The following CEP97 variants were observed in gnomAD, a reference collection of about 807,000 sequenced individuals.
CEP97 encodes centrosomal protein 97.
In CEP97, 43 loss-of-function variants were observed where a neutral mutation model predicts 73.1. That is an observed-to-expected ratio of 0.59 (90% CI 0.46 to 0.76). The LOEUF (loss-of-function observed/expected upper bound fraction) is 0.76, where lower values mean the gene tolerates loss of function less well. Ranked by LOEUF, CEP97 falls within the 30% of genes least tolerant of loss-of-function variation. CEP97 has a pLI of 0.00. For synonymous variants in CEP97, 337 were observed against 370.0 expected, an observed-to-expected ratio of 0.91 and a Z score of 1.02; for missense variants, 939 against 1,014.0, an observed-to-expected ratio of 0.93 and a Z score of 1.00.
At chr3:101,737,361 C>T (rs768726268) in intron 6 of CEP97, among the ~76,000 whole-genome samples, 4 of 152,152 alleles carry the variant, frequency 2.6e-5, no homozygotes, top group African/African-American at 2.4e-5. Context: ...AGATACTCCT[C>T]GAGAAGAGCA....
chr3:101,761,988 A>G (rs1939188878), intron 9 of CEP97, among the ~76,000 whole-genome samples: 1 of 152,166 alleles, frequency 6.6e-6, no homozygotes, highest in Non-Finnish European at 1.5e-5. Flanking sequence ...ACCTGGGGAA[A>G]CAGAATAGTG....
Position 101,755,494 on chromosome 3 carries a change from C to G in CEP97, c.793C>G (p.Gln265Glu). Residue 265 changes from glutamine (Q) to glutamate (E), a missense_variant, in exon 7 of 11, where the codon CAG becomes GAG. Physicochemically the swap from Gln to Glu is conservative, Grantham distance 29 (BLOSUM62 2). Coordinates refer to ENST00000341893, the MANE Select transcript of CEP97 (RefSeq NM_024548.4). The stretch of plus-strand genomic sequence containing the variant: ...AGCATATCGGCCTGGCCAGCACATC[C>G]AGCTTGTCCAATATCTGGCTACAGT... Reference protein sequence around the residue: ...GRAYRPGQHIQLVQYLATVCP... With the variant: ...GRAYRPGQHIELVQYLATVCP... 6.2e-7 allele frequency: 1 copy of G among 1,614,120 alleles called. No individual in the cohort carries two copies. Among genetic ancestry groups the G allele is most frequent in the Non-Finnish European group, 8.5e-7 (1 of 1,179,994 alleles).
rs754255385 is a variant in CEP97 at position 101,728,931 on chromosome 3, C to G, written c.441C>G (p.Ser147=). ...SQIGDLSKLV[S]LKTLLLHGNI... ...TAGGTGATCTATCTAAATTGGTATC[C>G]CTGAAAGTAAGTATGTTTTCTTTGT... The change falls in exon 4 of 11, where the codon TCC becomes TCG. Residue 147 remains serine (S), a synonymous_variant. Coordinates refer to ENST00000341893, the MANE Select transcript of CEP97 (RefSeq NM_024548.4). 2 of 1,485,534 alleles carry G rather than the reference C, an allele frequency of 1.3e-6. No homozygotes were observed. Among genetic ancestry groups the G allele is most frequent in the South Asian group, 1.2e-5 (1 of 86,116 alleles). 92.0% of individuals were successfully genotyped at this position (1,485,534 alleles called of 1,614,324 possible). A position where few individuals can be genotyped will look rare whatever the true frequency, so the allele number is the denominator to read the frequency against.
rs115793464 is a variant in CEP97 at position 101,732,213 on chromosome 3, A to G, written c.561+260A>G. 4.5e-3 allele frequency among the ~76,000 whole-genome samples: 678 copies of G among 152,306 alleles called. 4 individuals are homozygous for G. The highest frequency in any genetic ancestry group is 0.016 in the African/African-American group (653 of 41,576). On this transcript the variant is annotated intron_variant, in intron 5 of 10. Transcript: ENST00000341893. ...GGACATCTACGTTATAAGGGTTTAT[A>G]AGACTCCCTGTCCACCTTTCCTGGC...
At chr3:101,760,014 T>G in intron 9 of CEP97, among the ~76,000 whole-genome samples, 1 of 69,246 alleles carries the variant, frequency 1.4e-5, no homozygotes, top group Admixed American at 2.3e-4. Flanking sequence ...GAAAAACTGA[T>G]GGTGCAGCAA....
intron 6 of CEP97, 134 bp from the exon 7 acceptor site, chr3:101,755,296 T>A (rs905890287): frequency 4.0e-6 from 3 of 753,250 alleles, no homozygotes; most frequent in Non-Finnish European, 6.4e-6. Context: ...TTTAAAAAAA[T>A]TGAGTGAATT....
chr3:101,744,843 G>A (rs1938566249), intron 6 of CEP97, among the ~76,000 whole-genome samples: 1 of 152,204 alleles, frequency 6.6e-6, no homozygotes. Flanking sequence ...GGACAGGAAG[G>A]AATTTTCAGT....
chr3:101,742,640 C>T (rs188136512), intron 6 of CEP97, among the ~76,000 whole-genome samples: 181 of 151,360 alleles, frequency 1.2e-3, no homozygotes, highest in South Asian at 2.7e-3. Context: ...ATGTAGGTGA[C>T]GAGTTGCTGG....
At chr3:101,745,391 G>A (rs1938581559) in intron 6 of CEP97, among the ~76,000 whole-genome samples, 1 of 152,042 alleles carries the variant, frequency 6.6e-6, no homozygotes. Context: ...CTCCTGAGTA[G>A]CTGGGAATAG....
At chr3:101,748,456 C>G (rs2722162) in intron 6 of CEP97, among the ~76,000 whole-genome samples, 149,683 of 152,266 alleles carry the variant, frequency 0.98, 73,615 homozygotes, top group African/African-American at 0.99. Context: ...CAGATCATCT[C>G]TAACTTAGAA....
intron 7 of CEP97, 101 bp from the exon 8 acceptor site, chr3:101,756,962 A>T (rs886923105): frequency 9.1e-7 from 1 of 1,093,854 alleles, no homozygotes; most frequent in African/African-American, 1.6e-5. Context: ...CTACTTTGAG[A>T]ACTTGTAAAC....
intron 6 of CEP97, among the ~76,000 whole-genome samples, chr3:101,749,846 G>GT (rs1409662566): frequency 1.5e-5 from 2 of 132,008 alleles, no homozygotes; most frequent in Non-Finnish European, 3.3e-5. Flanking sequence ...GGGGTTGTTT[G>GT]TTTTTTTCTT....
chr3:101,769,789 C>CCTTT lies in CEP97; in HGVS notation c.*4238_*4239insCTTT, dbSNP rs1939414600. On this transcript the variant is annotated 3_prime_UTR_variant, in exon 11 of 11. Transcript: ENST00000341893. Reference sequence around the variant, plus strand: ...TGAAGCAGAAAGGGTCTGTAAGGAACATTCTAAACATTTTTAATGATATTG... The same window carrying CCTTT: ...TGAAGCAGAAAGGGTCTGTAAGGAACCTTTATTCTAAACATTTTTAATGATATTG... The CCTTT allele has an allele frequency of 6.6e-6, 1 of 152,112 alleles. No homozygotes were observed. Among genetic ancestry groups the CCTTT allele is most frequent in the Non-Finnish European group, 1.5e-5 (1 of 68,032 alleles). 9.4% of individuals were successfully genotyped at this position (152,112 alleles called of 1,614,324 possible). A position where few individuals can be genotyped will look rare whatever the true frequency, so the allele number is the denominator to read the frequency against.
In CEP97 at chr3:101,744,516, G is replaced by A. The variant is rs1938555936; in HGVS notation, c.729-10914G>A. Among the ~76,000 whole-genome samples, 3 of 151,546 alleles carry A rather than the reference G, an allele frequency of 2.0e-5. No individual in the cohort carries two copies. In the South Asian group the frequency reaches 6.3e-4, roughly 32 times the overall value. On this transcript the variant is annotated intron_variant, in intron 6 of 10. Transcript: ENST00000341893. Reference sequence around the variant, plus strand: ...GAAAATCACTTGAACCCAGGAGGCGGAGGTTGCAGTGAGCTGAGATTGCAC... The same window carrying A: ...GAAAATCACTTGAACCCAGGAGGCGAAGGTTGCAGTGAGCTGAGATTGCAC...
chr3:101,731,968 T>C lies in CEP97; in HGVS notation c.561+15T>C. On this transcript the variant is annotated intron_variant, in intron 5 of 10. Transcript: ENST00000341893. Reference sequence around the variant, plus strand: ...ACTTAAATGAGGTAAAATTTGAGGGTATTTTGTGAGATTCAGGAAGCTGGA... The same window carrying C: ...ACTTAAATGAGGTAAAATTTGAGGGCATTTTGTGAGATTCAGGAAGCTGGA... 1.4e-6 allele frequency: 2 copies of C among 1,428,272 alleles called. No homozygotes were observed. Among genetic ancestry groups the C allele is most frequent in the Non-Finnish European group, 2.0e-6 (2 of 1,011,748 alleles). The allele number at this position is 1,428,272 out of a possible 1,614,324, so 88.5% of individuals were successfully genotyped here.
At chr3:101,724,766 G>A (rs759651144) in intron 1 of CEP97, 47 bp downstream of exon 1, 7 of 1,586,586 alleles carry the variant, frequency 4.4e-6, no homozygotes, top group Non-Finnish European at 6.1e-6. Flanking sequence ...TCACGGAGCT[G>A]AATTAAATAG....
Position 101,724,635 on chromosome 3 carries a change from C to T in CEP97, c.-42C>T, listed in dbSNP as rs375142336. The T allele has an allele frequency of 1.4e-4, 227 of 1,612,876 alleles. 1 individual carries two copies. The African/African-American group carries it at 2.3e-3, about 16-fold the overall frequency. Reference sequence around the variant, plus strand: ...CTTCAGATTACAAGCTCCACAGAGCCGCGGGAGGACGGTTGCCTGGTATTA... The same window carrying T: ...CTTCAGATTACAAGCTCCACAGAGCTGCGGGAGGACGGTTGCCTGGTATTA... On this transcript the variant is annotated 5_prime_UTR_variant, in exon 1 of 11. Coordinates refer to ENST00000341893, the MANE Select transcript of CEP97 (RefSeq NM_024548.4).
intron 6 of CEP97, among the ~76,000 whole-genome samples, chr3:101,739,903 T>TA (rs71625596): frequency 0.054 from 7,640 of 142,446 alleles, 684 homozygotes; most frequent in African/African-American, 0.18. Flanking sequence ...AGACACCATC[T>TA]AAAAAAAAAA....
intron 6 of CEP97, among the ~76,000 whole-genome samples, chr3:101,753,801 T>C (rs980654865): frequency 7.9e-5 from 12 of 152,318 alleles, no homozygotes; most frequent in African/African-American, 2.9e-4. Context: ...CCAGGTGCCA[T>C]CTGTCACCCC....
Sources: gnomAD v4.1 joint callset for allele counts (sites outside exome capture counted in the v4.1 genomes callset) on GRCh38, gnomAD v4.1.1 for gene constraint, MANE v1.5 for transcripts, NCBI Gene and HGNC (gene_info 2026-07-23, HGNC 2026-07-21) for gene names.